Variants in SMARCC1 observed in about 807,000 individuals in gnomAD.
SMARCC1 encodes the protein SWI/SNF related BAF chromatin remodeling complex subunit C1.
A neutral mutation model predicts 147.4 loss-of-function variants in SMARCC1; 43 were observed. The observed-to-expected ratio is 0.29, with a 90% CI of 0.23 to 0.38. SMARCC1 has a LOEUF of 0.38. Among genes scored for constraint, SMARCC1 ranks in the 10% least tolerant of loss-of-function variants. The pLI, the probability that SMARCC1 is intolerant of heterozygous loss-of-function variation, is 1.00. For synonymous variants in SMARCC1, 495 were observed against 484.4 expected (o/e 1.02, Z -0.29); for missense variants, 1,119 against 1,381.1 (o/e 0.81, Z 3.01).
intron 12 of SMARCC1, among the ~76,000 whole-genome samples, chr3:47,690,881 C>T (rs1233443477): frequency 6.6e-6 from 1 of 152,182 alleles, no homozygotes; most frequent in Non-Finnish European, 1.5e-5. Context: ...TGCAGCTCTG[C>T]ATAGTGACTA....
intron 12 of SMARCC1, among the ~76,000 whole-genome samples, chr3:47,690,250 C>G (rs2033774863): frequency 6.6e-6 from 1 of 151,998 alleles, no homozygotes; most frequent in African/African-American, 2.4e-5. Context: ...ACCTATAATA[C>G]CAACACTTTT....
chr3:47,602,838 G>A (rs1260625838), intron 26 of SMARCC1, among the ~76,000 whole-genome samples: 1 of 152,208 alleles, frequency 6.6e-6, no homozygotes, highest in Non-Finnish European at 1.5e-5. Flanking sequence ...ATGTTCAAGA[G>A]TGCCTCATTT....
intron 21 of SMARCC1, among the ~76,000 whole-genome samples, chr3:47,643,704 C>T (rs2033081852): frequency 6.6e-6 from 1 of 151,970 alleles, no homozygotes; most frequent in African/African-American, 2.4e-5. Context: ...TAGAATGATT[C>T]AAAATTCAAG....
At position 47,670,660 on chromosome 3, in the gene SMARCC1, C is replaced by G. The variant is rs1439783702; in HGVS notation, c.1897G>C (p.Glu633Gln). ...CCCATATGCATTAATCTGCTTACCT[C>G]CAGGAGTAGAAGGGTCTCCTGTTCA... ...WTEQETLLLL[E>Q]ALEMYKDDWN... Residue 633 changes from glutamate to glutamine, a missense_variant and splice_region_variant, in exon 19 of 28, where the codon GAG becomes CAG. By Grantham distance (29) the Glu-to-Gln change is conservative (BLOSUM62 2). Transcript: ENST00000254480. The G allele has an allele frequency of 6.4e-7, 1 of 1,554,430 alleles. No individual in the cohort carries two copies. The highest frequency in any genetic ancestry group is 1.1e-5 in the South Asian group (1 of 89,916).
Position 47,693,226 on chromosome 3 carries a change from A to C in SMARCC1, c.1225+15T>G. 6.8e-7 allele frequency: 1 copy of C among 1,471,268 alleles called. No homozygotes were observed. The allele number at this position is 1,471,268 out of a possible 1,614,324, so 91.1% of individuals were successfully genotyped here. Reference sequence around the variant, plus strand: ...ACAGAAAGCACAGACCAGTGTATAGATTTTAGGTGCTTACCTAGATCCGCT... The same window carrying C: ...ACAGAAAGCACAGACCAGTGTATAGCTTTTAGGTGCTTACCTAGATCCGCT... On this transcript the variant is annotated intron_variant, in intron 12 of 27. Transcript: ENST00000254480.
intron 6 of SMARCC1, among the ~76,000 whole-genome samples, chr3:47,726,987 A>T (rs2034307553): frequency 6.6e-6 from 1 of 151,920 alleles, no homozygotes; most frequent in African/African-American, 2.4e-5. Context: ...AGGCGTTTGG[A>T]TCACTTGAGG....
intron 2 of SMARCC1, among the ~76,000 whole-genome samples, chr3:47,768,862 A>G (rs569738283): frequency 6.6e-6 from 1 of 152,284 alleles, no homozygotes; most frequent in South Asian, 2.1e-4. Flanking sequence ...AGTTCTTCAT[A>G]CTAATCTTGT....
intron 6 of SMARCC1, among the ~76,000 whole-genome samples, chr3:47,727,272 G>T (rs1236501481): frequency 6.6e-6 from 1 of 151,998 alleles, no homozygotes; most frequent in Non-Finnish European, 1.5e-5. Flanking sequence ...ACTTTGGGAG[G>T]CCGAGGCAGG....
At chr3:47,638,513 G>C (rs1193668867) in intron 22 of SMARCC1, among the ~76,000 whole-genome samples, 2 of 152,256 alleles carry the variant, frequency 1.3e-5, no homozygotes, top group South Asian at 2.1e-4. Context: ...AAATATAAAA[G>C]AAGAGGATAG....
chr3:47,685,662 A>C (rs1183732909), intron 14 of SMARCC1, among the ~76,000 whole-genome samples: 1 of 151,914 alleles, frequency 6.6e-6, no homozygotes, highest in Non-Finnish European at 1.5e-5. Context: ...GTTCAAAACC[A>C]CCCTGGCCAA....
At chr3:47,640,398 T>C (rs2033034225) in intron 21 of SMARCC1, among the ~76,000 whole-genome samples, 1 of 152,016 alleles carries the variant, frequency 6.6e-6, no homozygotes, top group Admixed American at 6.6e-5. Context: ...ATATGAGGAA[T>C]GGATGAAAGA....
At chr3:47,689,040 C>A (rs1488250537) in intron 13 of SMARCC1, among the ~76,000 whole-genome samples, 1 of 151,856 alleles carries the variant, frequency 6.6e-6, no homozygotes, top group Non-Finnish European at 1.5e-5. Flanking sequence ...AAAACTCCAT[C>A]TCTACAAAAA....
At chr3:47,733,690 C>T (rs1430913380) in intron 5 of SMARCC1, among the ~76,000 whole-genome samples, 2 of 151,650 alleles carry the variant, frequency 1.3e-5, no homozygotes, top group Non-Finnish European at 2.9e-5. Flanking sequence ...ATCGAAACCC[C>T]GTCTCTACTA....
At chr3:47,634,974 A>G (rs982031653) in intron 24 of SMARCC1, among the ~76,000 whole-genome samples, 1 of 152,260 alleles carries the variant, frequency 6.6e-6, no homozygotes, top group African/African-American at 2.4e-5. Flanking sequence ...GCTAAATGGT[A>G]TAATGAATGG....
At chr3:47,726,466 T>A (rs1048933128) in intron 6 of SMARCC1, among the ~76,000 whole-genome samples, 2 of 152,230 alleles carry the variant, frequency 1.3e-5, no homozygotes, top group African/African-American at 4.8e-5. Flanking sequence ...ATCAGTGTTT[T>A]GCTTGCTTTC....
intron 25 of SMARCC1, among the ~76,000 whole-genome samples, chr3:47,614,721 C>CTTATAAT (rs2032612811): frequency 6.6e-6 from 1 of 152,190 alleles, no homozygotes; most frequent in African/African-American, 2.4e-5. Context: ...CTCCCTGATT[C>CTTATAAT]TGACCTTGCT....
At chr3:47,635,706 C>G (rs963789344) in intron 23 of SMARCC1, among the ~76,000 whole-genome samples, 9 of 152,184 alleles carry the variant, frequency 5.9e-5, no homozygotes, top group Admixed American at 5.9e-4. Flanking sequence ...AAGCTGAGAA[C>G]AGACTACTTC....
chr3:47,701,523 A>G, intron 10 of SMARCC1, 121 bp from the exon 11 acceptor site: 2 of 979,838 alleles, frequency 2.0e-6, no homozygotes, highest in Non-Finnish European at 3.1e-6. Flanking sequence ...ACTTTAAAAG[A>G]CAAACAGTAG....
At chr3:47,596,426 G>T (rs999273775) in intron 26 of SMARCC1, among the ~76,000 whole-genome samples, 1 of 151,946 alleles carries the variant, frequency 6.6e-6, no homozygotes, top group Non-Finnish European at 1.5e-5. Context: ...AAATCAGCTG[G>T]GTGTGATGGT....
Sources: allele counts gnomAD v4.1 joint callset (sites outside exome capture counted in the v4.1 genomes callset), GRCh38; gene constraint gnomAD v4.1.1; transcripts MANE v1.5; gene names NCBI Gene and HGNC (gene_info 2026-07-23, HGNC 2026-07-21).